The following CSTPP1 variants were observed in gnomAD, a reference collection of about 807,000 sequenced individuals.
CSTPP1 encodes centriolar satellite-associated tubulin polyglutamylase complex regulator 1.
chr11:47,124,046 A>G, the CSTPP1 span, among the ~76,000 whole-genome samples: 1 of 151,380 alleles, frequency 6.6e-6, no homozygotes, highest in Admixed American at 6.6e-5. Context: ...TGTTAAACCC[A>G]AAAGCAACCG....
the CSTPP1 span, chr11:47,052,227 C>T: frequency 1.1e-6 from 1 of 874,184 alleles, no homozygotes; most frequent in South Asian, 2.0e-5. Flanking sequence ...TATGAAGAGA[C>T]TTCCCCATAG....
the CSTPP1 span, among the ~76,000 whole-genome samples, chr11:47,039,940 G>T: frequency 2.3e-5 from 3 of 128,812 alleles, no homozygotes; most frequent in African/African-American, 7.4e-5. Flanking sequence ...GCTGGAACTC[G>T]CCAACAATTA....
At chr11:46,991,875 G>T in the CSTPP1 span, among the ~76,000 whole-genome samples, 3 of 152,004 alleles carry the variant, frequency 2.0e-5, no homozygotes, top group Non-Finnish European at 1.5e-5. Flanking sequence ...CGAGTAGCTG[G>T]GATTACAGGC....
At chr11:47,097,248 G>A in the CSTPP1 span, among the ~76,000 whole-genome samples, 36 of 118,030 alleles carry the variant, frequency 3.1e-4, no homozygotes, top group Non-Finnish European at 3.3e-4. Context: ...CCCTCTGCCC[G>A]GCCAGCCGCC....
chr11:47,077,283 TC>T, the CSTPP1 span, among the ~76,000 whole-genome samples: 1 of 147,328 alleles, frequency 6.8e-6, no homozygotes, highest in African/African-American at 2.5e-5. Flanking sequence ...CACTGCAACC[TC>T]CGCCTCCTGG....
chr11:47,151,744 A>G, the CSTPP1 span, among the ~76,000 whole-genome samples: 1 of 151,208 alleles, frequency 6.6e-6, no homozygotes, highest in Non-Finnish European at 1.5e-5. Context: ...AAAAACCCTC[A>G]GTCCTTTATA....
the CSTPP1 span, chr11:47,157,122 A>G: frequency 6.2e-7 from 1 of 1,614,128 alleles, no homozygotes; most frequent in South Asian, 1.1e-5. Context: ...CAGCACCGCC[A>G]ACGACCTGCC....
At chr11:47,097,264 C>G in the CSTPP1 span, among the ~76,000 whole-genome samples, 2 of 119,284 alleles carry the variant, frequency 1.7e-5, no homozygotes, top group East Asian at 4.6e-4. Context: ...CCGCCCCGTC[C>G]GGGAGGGAGG....
chr11:46,976,393 T>TCA, the CSTPP1 span, among the ~76,000 whole-genome samples: 33,264 of 148,610 alleles, frequency 0.22, 4,004 homozygotes, highest in East Asian at 0.59. Context: ...TAGGTTTCAG[T>TCA]CACACACACA....
chr11:46,971,367 G>A, the CSTPP1 span, among the ~76,000 whole-genome samples: 2 of 152,168 alleles, frequency 1.3e-5, no homozygotes, highest in Non-Finnish European at 2.9e-5. Flanking sequence ...AAGGAAATTG[G>A]TCTCTTCCGT....
the CSTPP1 span, among the ~76,000 whole-genome samples, chr11:47,076,990 G>C: frequency 2.0e-5 from 3 of 149,320 alleles, no homozygotes; most frequent in Non-Finnish European, 1.5e-5. Context: ...AAAACTGAAG[G>C]CCCAGTCCAG....
At chr11:47,042,457 CTG>C in the CSTPP1 span, among the ~76,000 whole-genome samples, 4 of 146,962 alleles carry the variant, frequency 2.7e-5, no homozygotes, top group African/African-American at 2.5e-5. Flanking sequence ...ACTTATATGT[CTG>C]TGTGTGTGTG....
chr11:46,948,014 AT>A, the CSTPP1 span: 1 of 455,726 alleles, frequency 2.2e-6, no homozygotes, highest in Admixed American at 2.4e-5. Flanking sequence ...AAAATTCTGT[AT>A]TTTAAAATAG....
the CSTPP1 span, among the ~76,000 whole-genome samples, chr11:46,969,870 T>C: frequency 3.3e-5 from 5 of 152,152 alleles, no homozygotes; most frequent in Admixed American, 2.6e-4. Context: ...GTTCAAGCGA[T>C]TCTCATGCCT....
chr11:46,990,876 T>G, the CSTPP1 span, among the ~76,000 whole-genome samples: 2 of 152,238 alleles, frequency 1.3e-5, no homozygotes, highest in African/African-American at 4.8e-5. Context: ...CACCATTTAT[T>G]AAACAGGGAG....
the CSTPP1 span, chr11:47,157,839 A>G: frequency 3.7e-6 from 6 of 1,614,000 alleles, no homozygotes; most frequent in African/African-American, 6.7e-5. Flanking sequence ...CTTGTCAAAG[A>G]GGCCCTCAGC....
chr11:47,111,361 A>G, the CSTPP1 span, among the ~76,000 whole-genome samples: 4 of 152,154 alleles, frequency 2.6e-5, no homozygotes, highest in Admixed American at 6.6e-5. Context: ...TTTCCCCGCT[A>G]CGAGTGCATT....
the CSTPP1 span, among the ~76,000 whole-genome samples, chr11:46,975,053 G>A: frequency 6.6e-6 from 1 of 152,078 alleles, no homozygotes; most frequent in African/African-American, 2.4e-5. Context: ...GGAGGCTGAG[G>A]CAGGAGGATT....
the CSTPP1 span, among the ~76,000 whole-genome samples, chr11:47,036,264 TATATATA>T: frequency 3.0e-5 from 1 of 32,884 alleles, no homozygotes; most frequent in Admixed American, 4.1e-4. Flanking sequence ...TATTATATAA[TATATATA>T]TTATATATTA....
Sources: allele counts gnomAD v4.1 joint callset (sites outside exome capture counted in the v4.1 genomes callset), GRCh38; gene constraint gnomAD v4.1.1; transcripts MANE v1.5; gene names NCBI Gene and HGNC (gene_info 2026-07-23, HGNC 2026-07-21).